The following CUBN variants were observed in gnomAD, a reference collection of about 807,000 sequenced individuals.
CUBN encodes cubilin, also known as 460 kDa receptor.
A neutral mutation model predicts 405.3 loss-of-function variants in CUBN; 282 were observed. The ratio of observed to expected loss-of-function variants is 0.70; its 90% CI spans 0.63 to 0.77. The LOEUF is 0.77. Among genes scored for constraint, CUBN ranks in the 30% least tolerant of loss-of-function variants. The pLI is 0.00. For synonymous variants in CUBN, 1,684 were observed against 1,617.0 expected (o/e 1.04, Z -0.99); for missense variants, 4,514 against 4,475.2 (o/e 1.01, Z -0.25).
At chr10:17,066,053 C>T (rs1244547598) in intron 21 of CUBN, among the ~76,000 whole-genome samples, 2 of 152,116 alleles carry the variant, frequency 1.3e-5, no homozygotes, top group Non-Finnish European at 2.9e-5. Context: ...CTTCCTCATC[C>T]CTAAAATGGG....
Position 16,907,563 on chromosome 10 carries a change from A to G in CUBN, c.7650T>C (p.Asp2550=), listed in dbSNP as rs1220364570. Residue 2550 remains aspartate, a synonymous_variant, in exon 49 of 67, where the codon GAT becomes GAC. Transcript: ENST00000377833. ...TGAAGCCGCCATATGGCCTGGATCC[A>G]TCCGTGAAAAAAATGACTTTCATTG... is the stretch of plus-strand genomic sequence containing the variant. ...GNTMKVIFFT[D]GSRPYGGFTA... is the part of the protein sequence containing the mutation. 1.5e-5 allele frequency: 24 copies of G among 1,614,002 alleles called. No individual in the cohort carries two copies. The highest frequency in any genetic ancestry group is 1.9e-5 in the Non-Finnish European group (23 of 1,180,036).
intron 58 of CUBN, among the ~76,000 whole-genome samples, chr10:16,873,618 A>G (rs1840419875): frequency 6.7e-6 from 1 of 150,364 alleles, no homozygotes; most frequent in African/African-American, 2.4e-5. Context: ...GCTACTCAGG[A>G]GGCTGAGGTA....
chr10:17,000,877 G>C (rs1833858604), intron 28 of CUBN, among the ~76,000 whole-genome samples: 2 of 152,236 alleles, frequency 1.3e-5, no homozygotes, highest in Admixed American at 1.3e-4. Context: ...ACATGAGATT[G>C]TGTTCGGAAT....
At position 17,043,910 on chromosome 10, in the gene CUBN, C is replaced by A; in HGVS notation, c.3746G>T (p.Arg1249Leu). Residue 1249 changes from arginine to leucine, a missense_variant, in exon 26 of 67, where the codon CGT becomes CTT. This residue lies in a region of CUBN where 242 missense variants were observed against 309.0 expected (regional missense o/e 0.78). Transcript: ENST00000377833. Reference sequence around the variant, plus strand: ...TATAAACATGCTGTCTCCACTAGAACGAATAAGAGGGGGTTTCTCATCCCC... The same window carrying A: ...TATAAACATGCTGTCTCCACTAGAAAGAATAAGAGGGGGTTTCTCATCCCC... ...LCGDEKPPLI[R>L]SSGDSMFIKL... The A allele has an allele frequency of 6.2e-7, 1 of 1,613,508 alleles. No homozygotes were observed. The highest frequency in any genetic ancestry group is 8.5e-7 in the Non-Finnish European group (1 of 1,179,744).
intron 41 of CUBN, 58 bp from the exon 42 acceptor site, chr10:16,925,832 T>G (rs1842174687): frequency 6.6e-7 from 1 of 1,521,400 alleles, no homozygotes; most frequent in South Asian, 1.1e-5. Flanking sequence ...TGGATTTTTA[T>G]GCTTTCTTAG....
At chr10:17,004,795 G>T (rs1480643515) in intron 28 of CUBN, among the ~76,000 whole-genome samples, 4 of 151,398 alleles carry the variant, frequency 2.6e-5, no homozygotes, top group Non-Finnish European at 5.9e-5. Flanking sequence ...TCAGCCTCCT[G>T]AGTAGCTAGG....
chr10:17,111,749 C>T (rs1045025121), intron 8 of CUBN, among the ~76,000 whole-genome samples: 3 of 152,154 alleles, frequency 2.0e-5, no homozygotes, highest in African/African-American at 7.2e-5. Flanking sequence ...AATGGTGAAA[C>T]ACCATCTGTA....
intron 31 of CUBN, among the ~76,000 whole-genome samples, chr10:16,980,671 T>A (rs1403597431): frequency 6.6e-6 from 1 of 151,888 alleles, no homozygotes; most frequent in East Asian, 1.9e-4. Flanking sequence ...GAGGGGAACA[T>A]CACACACCGG....
intron 30 of CUBN, 138 bp downstream of exon 30, chr10:16,983,967 T>C: frequency 3.4e-6 from 3 of 881,784 alleles, no homozygotes; most frequent in South Asian, 1.4e-5. Flanking sequence ...GAAGGGTATA[T>C]GTCAGGTCTC....
intron 36 of CUBN, among the ~76,000 whole-genome samples, chr10:16,941,323 C>A (rs1370327423): frequency 6.6e-6 from 1 of 152,076 alleles, no homozygotes; most frequent in Non-Finnish European, 1.5e-5. Flanking sequence ...AAAAAAAGAA[C>A]CTCTACCTCT....
Position 16,925,650 on chromosome 10 carries a change from G to A in CUBN, c.6396C>T (p.Val2132=). The A allele has an allele frequency of 6.2e-7, 1 of 1,614,026 alleles. No homozygotes were observed. The highest frequency in any genetic ancestry group is 1.7e-5 in the Admixed American group (1 of 59,998). The change falls in exon 42 of 67, where the codon GTC becomes GTT. Residue 2132 remains valine (V), a synonymous_variant. Transcript: ENST00000377833. The part of the protein sequence containing the change: ...VLVQSGLTIA[V]HFEQPFQIPN... ...GAATCTGGAAAGGCTGTTCAAAATG[G>A]ACAGCAATGGTCAGGCCACTTTGGA...
chr10:17,113,061 T>C (rs886669603), intron 8 of CUBN, among the ~76,000 whole-genome samples: 1 of 150,904 alleles, frequency 6.6e-6, no homozygotes, highest in East Asian at 2.0e-4. Context: ...AGGCCAGGAG[T>C]TTGAGACCAG....
Position 16,925,236 on chromosome 10 carries a change from C to T in CUBN, c.6646+5G>A, listed in dbSNP as rs745338228. ...GCAGATATAATTCTCAGTGAAAATA[C>T]TTACCTAAACTCTTTGCCTCATATT... On this transcript the variant is annotated splice_donor_5th_base_variant and intron_variant, in intron 43 of 66. Coordinates refer to ENST00000377833, the MANE Select transcript of CUBN (RefSeq NM_001081.4). 5.6e-6 allele frequency: 9 copies of T among 1,607,422 alleles called. No homozygotes were observed. The highest frequency in any genetic ancestry group is 2.2e-5 in the South Asian group (2 of 90,900).
rs1423917705 is a variant in CUBN, at chr10:17,122,857, G to A, written c.531C>T (p.Tyr177=). The change falls in exon 6 of 67, where the codon TAC becomes TAT. Residue 177 remains tyrosine, a synonymous_variant. Transcript: ENST00000377833. ...TCTGGCAGCTCAAGGGTGTTCCTGA[G>A]TAAATCTCACATTCGTTAACATCAG... ...CSADVNECEI[Y]SGTPLSCQNG... 1 of 1,613,646 alleles carries A rather than the reference G, an allele frequency of 6.2e-7. No individual in the cohort carries two copies. The highest frequency in any genetic ancestry group is 8.5e-7 in the Non-Finnish European group (1 of 1,179,906).
intron 31 of CUBN, among the ~76,000 whole-genome samples, chr10:16,978,797 C>T (rs1353892261): frequency 6.6e-6 from 1 of 152,130 alleles, no homozygotes; most frequent in Non-Finnish European, 1.5e-5. Context: ...CAAGGGTGCC[C>T]TCTCTAACCA....
chr10:17,087,018 G>A lies in CUBN; in HGVS notation c.1947+1146C>T, dbSNP rs1158328541. Among the ~76,000 whole-genome samples the A allele has an allele frequency of 2.0e-5, 3 of 152,196 alleles. No individual in the cohort carries two copies. The East Asian group carries it at 5.8e-4, about 29-fold the overall frequency. Reference sequence around the variant, plus strand: ...TGCAGAAATTTTCCAGAGAGAGACAGATCTTCCAGTCATTCCCAAAGGTTT... The same window carrying A: ...TGCAGAAATTTTCCAGAGAGAGACAAATCTTCCAGTCATTCCCAAAGGTTT... On this transcript the variant is annotated intron_variant, in intron 15 of 66. Coordinates refer to ENST00000377833, the MANE Select transcript of CUBN (RefSeq NM_001081.4).
At chr10:16,963,368 G>A (rs1843294039) in intron 31 of CUBN, among the ~76,000 whole-genome samples, 3 of 151,292 alleles carry the variant, frequency 2.0e-5, no homozygotes, top group Admixed American at 2.0e-4. Flanking sequence ...TGTATTTGTA[G>A]TAGGGACAGG....
At chr10:17,029,189 T>C (rs533979322) in intron 27 of CUBN, among the ~76,000 whole-genome samples, 6 of 152,256 alleles carry the variant, frequency 3.9e-5, no homozygotes, top group Non-Finnish European at 8.8e-5. Flanking sequence ...CTTTTGAATC[T>C]GAGAGCAGAG....
chr10:17,119,762 T>A (rs1343246993), intron 6 of CUBN, among the ~76,000 whole-genome samples: 2 of 152,184 alleles, frequency 1.3e-5, no homozygotes, highest in Non-Finnish European at 2.9e-5. Context: ...AATGTAATTG[T>A]GTTAGTTGTC....
Sources: gnomAD v4.1 joint callset for allele counts (sites outside exome capture counted in the v4.1 genomes callset) on GRCh38, gnomAD v4.1.1 for gene constraint, gnomAD v4.1.1 regional missense constraint, MANE v1.5 for transcripts, NCBI Gene and HGNC (gene_info 2026-07-23, HGNC 2026-07-21) for gene names.